CPNE4: variants seen among roughly 807,000 people sequenced by gnomAD.
CPNE4 encodes the protein copine 4, also known as copine-4.
CPNE4 carries 25 observed loss-of-function variants against 67.9 expected under a neutral mutation model. The observed-to-expected ratio is 0.37, with a 90% confidence interval of 0.27 to 0.51. The LOEUF (loss-of-function observed/expected upper bound fraction) is 0.51, where lower values mean the gene tolerates loss of function less well. Among genes scored for constraint, CPNE4 ranks in the 20% least tolerant of loss-of-function variants. The pLI, the probability that CPNE4 is intolerant of heterozygous loss-of-function variation, is 0.93. For missense variants in CPNE4, 464 were observed against 690.8 expected, an observed-to-expected ratio of 0.67 and a Z score of 3.68; for synonymous variants, 242 against 244.9, an observed-to-expected ratio of 0.99 and a Z score of 0.11.
At chr3:131,781,640 C>A (rs751481265) in intron 2 of CPNE4, among the ~76,000 whole-genome samples, 1 of 152,062 alleles carries the variant, frequency 6.6e-6, no homozygotes, top group Non-Finnish European at 1.5e-5. Context: ...TTGGGTGAGG[C>A]CACAAAAGTG....
At chr3:132,039,042 T>A (rs2074376030), upstream of CPNE4, among the ~76,000 whole-genome samples, 1 of 152,214 alleles carries the variant, frequency 6.6e-6, no homozygotes, top group African/African-American at 2.4e-5. Context: ...GTTGATTTTG[T>A]CAGTTCCACA....
intron 1 of CPNE4, among the ~76,000 whole-genome samples, chr3:132,027,854 C>A (rs1475063813): frequency 1.3e-5 from 2 of 151,966 alleles, no homozygotes; most frequent in African/African-American, 2.4e-5. Context: ...TTGTTTTGGG[C>A]CATTCTATTG....
At chr3:131,705,333 C>A (rs2081392085) in intron 3 of CPNE4, among the ~76,000 whole-genome samples, 2 of 152,184 alleles carry the variant, frequency 1.3e-5, no homozygotes, top group African/African-American at 4.8e-5. Context: ...GAATCCAAAT[C>A]TGCATTTTAA....
chr3:131,850,498 A>G (rs1226113238), intron 2 of CPNE4, among the ~76,000 whole-genome samples: 1 of 152,160 alleles, frequency 6.6e-6, no homozygotes, highest in African/African-American at 2.4e-5. Context: ...TGCCTGATGT[A>G]TGCCAGTAGA....
chr3:132,004,688 C>A (rs1196074633), intron 1 of CPNE4, among the ~76,000 whole-genome samples: 4 of 151,974 alleles, frequency 2.6e-5, no homozygotes, highest in African/African-American at 9.7e-5. Context: ...AAATATGTTA[C>A]CCTTAAAAAA....
At chr3:132,031,716 G>C (rs558909391) in intron 1 of CPNE4, among the ~76,000 whole-genome samples, 2 of 152,314 alleles carry the variant, frequency 1.3e-5, no homozygotes, top group East Asian at 3.9e-4. Flanking sequence ...GAAGTCAGAA[G>C]AAGGCATAGT....
At chr3:131,621,778 G>T (rs1037674067) in intron 7 of CPNE4, among the ~76,000 whole-genome samples, 1 of 151,950 alleles carries the variant, frequency 6.6e-6, no homozygotes, top group Admixed American at 6.6e-5. Flanking sequence ...AGGCCAAGGT[G>T]GGCAGATTGC....
chr3:131,960,407 A>C (rs1374284642), intron 1 of CPNE4, among the ~76,000 whole-genome samples: 1 of 152,172 alleles, frequency 6.6e-6, no homozygotes, highest in Non-Finnish European at 1.5e-5. Flanking sequence ...TATAAACTTT[A>C]TAAAGTTAAT....
chr3:131,792,640 T>C (rs1252965188), intron 2 of CPNE4, among the ~76,000 whole-genome samples: 5 of 78,104 alleles, frequency 6.4e-5, no homozygotes, highest in African/African-American at 2.3e-4. Flanking sequence ...TACACACGTG[T>C]ATATATGTAT....
At chr3:131,925,718 T>C (rs1193184253) in intron 1 of CPNE4, 2 of 152,198 alleles carry the variant, frequency 1.3e-5, no homozygotes, top group African/African-American at 4.8e-5. Flanking sequence ...CCTCGAATTC[T>C]TGCATCAACC....
intron 1 of CPNE4, among the ~76,000 whole-genome samples, chr3:131,924,131 A>C (rs2070826009): frequency 6.6e-6 from 1 of 152,230 alleles, no homozygotes; most frequent in Non-Finnish European, 1.5e-5. Context: ...GTGAAAGAAC[A>C]AAAGTCCTGT....
chr3:132,026,834 C>A (rs1365343190), intron 1 of CPNE4, among the ~76,000 whole-genome samples: 5 of 150,956 alleles, frequency 3.3e-5, no homozygotes, highest in African/African-American at 4.9e-5. Context: ...TGCCTTATAG[C>A]CTTATATATA....
At chr3:131,598,632 C>T (rs567737636) in intron 7 of CPNE4, among the ~76,000 whole-genome samples, 4 of 152,068 alleles carry the variant, frequency 2.6e-5, no homozygotes, top group Non-Finnish European at 4.4e-5. Context: ...TGAATTAGGC[C>T]GTGAATCTGG....
intron 3 of CPNE4, among the ~76,000 whole-genome samples, chr3:131,711,183 T>A (rs933277848): frequency 3.9e-5 from 6 of 152,212 alleles, no homozygotes; most frequent in Admixed American, 3.9e-4. Context: ...GGTTACCCTA[T>A]CATTCTCACA....
At chr3:131,589,799 A>C (rs1449308384) in intron 7 of CPNE4, among the ~76,000 whole-genome samples, 1 of 152,256 alleles carries the variant, frequency 6.6e-6, no homozygotes, top group East Asian at 1.9e-4. Flanking sequence ...AATATTAAGA[A>C]GCCCTTTGGT....
intron 2 of CPNE4, among the ~76,000 whole-genome samples, chr3:131,836,037 A>T (rs2085545105): frequency 6.6e-6 from 1 of 152,188 alleles, no homozygotes; most frequent in Admixed American, 6.5e-5. Context: ...ACTGACCACA[A>T]TCAACACAGC....
intron 2 of CPNE4, among the ~76,000 whole-genome samples, chr3:131,875,222 A>T (rs559420695): frequency 1.4e-3 from 211 of 149,088 alleles, no homozygotes; most frequent in African/African-American, 4.9e-3. Context: ...ATTATCACTT[A>T]AAAAAAAAAG....
chr3:131,821,094 A>C (rs1385706767), intron 2 of CPNE4, among the ~76,000 whole-genome samples: 1 of 152,144 alleles, frequency 6.6e-6, no homozygotes, highest in Admixed American at 6.5e-5. Flanking sequence ...GCCCCAGAAA[A>C]CTGAAGGAGG....
At chr3:131,975,976 A>G (rs1339489421) in intron 1 of CPNE4, among the ~76,000 whole-genome samples, 2 of 152,148 alleles carry the variant, frequency 1.3e-5, no homozygotes, top group Non-Finnish European at 2.9e-5. Flanking sequence ...TAACATATCC[A>G]TACTATGCAG....
Sources: gnomAD v4.1 joint callset for allele counts (sites outside exome capture counted in the v4.1 genomes callset) on GRCh38, gnomAD v4.1.1 for gene constraint, MANE v1.5 for transcripts, NCBI Gene and HGNC (gene_info 2026-07-23, HGNC 2026-07-21) for gene names.